HMCN1: variants seen among roughly 807,000 people sequenced by gnomAD.
The protein encoded by HMCN1 is hemicentin-1.
Under a neutral mutation model 625.9 loss-of-function variants are expected in HMCN1, and 321 were observed. That is an observed-to-expected ratio of 0.51 (90% confidence interval 0.47 to 0.56). The LOEUF (loss-of-function observed/expected upper bound fraction) is 0.56. Ranked by LOEUF, HMCN1 falls within the 20% of genes least tolerant of loss-of-function variation. HMCN1 has a pLI of 0.00. For synonymous variants in HMCN1, 2,425 were observed against 2,417.6 expected (o/e 1.00, Z -0.09); for missense variants, 6,588 against 6,887.3 (o/e 0.96, Z 1.54).
intron 44 of HMCN1, among the ~76,000 whole-genome samples, chr1:186,054,387 T>G (rs1426353213): frequency 1.3e-5 from 2 of 151,940 alleles, no homozygotes; most frequent in African/African-American, 4.8e-5. Context: ...TCATTTAATC[T>G]TCACATGAGC....
chr1:185,979,619 T>C (rs539522033), intron 16 of HMCN1, among the ~76,000 whole-genome samples: 18 of 152,180 alleles, frequency 1.2e-4, no homozygotes, highest in Non-Finnish European at 2.6e-4. Context: ...AGAACTAATG[T>C]ATGATTTATT....
At chr1:186,068,508 C>A (rs963664310) in intron 50 of HMCN1, among the ~76,000 whole-genome samples, 1 of 152,180 alleles carries the variant, frequency 6.6e-6, no homozygotes, top group African/African-American at 2.4e-5. Flanking sequence ...GAATATGAAT[C>A]TGTGAAAAAT....
intron 1 of HMCN1, among the ~76,000 whole-genome samples, chr1:185,828,067 A>C (rs917338907): frequency 7.9e-5 from 12 of 152,222 alleles, no homozygotes; most frequent in Admixed American, 6.5e-5. Flanking sequence ...TACATGAAAT[A>C]TCAGGAAATT....
chr1:186,187,560 G>C (rs1414391411), intron 105 of HMCN1, among the ~76,000 whole-genome samples: 1 of 152,092 alleles, frequency 6.6e-6, no homozygotes, highest in East Asian at 1.9e-4. Flanking sequence ...AATATTTCTT[G>C]CTTTATAAAA....
In HMCN1 at chr1:185,933,537, G is replaced by T. The variant is rs1205046727; in HGVS notation, c.1553-12G>T. 3.7e-6 allele frequency: 6 copies of T among 1,613,478 alleles called. No individual in the cohort carries two copies. Among genetic ancestry groups the T allele is most frequent in the Admixed American group, 3.3e-5 (2 of 59,916 alleles). ...TTAGGTCTCTTGATTTGAATTTTTTGATTTCACACAGAGCCCCCTCCGGTC... is the reference window on the plus strand; with the variant it reads ...TTAGGTCTCTTGATTTGAATTTTTTTATTTCACACAGAGCCCCCTCCGGTC... On this transcript the variant is annotated splice_polypyrimidine_tract_variant and intron_variant, in intron 10 of 106. Transcript: ENST00000271588.
At chr1:185,942,429 G>A (rs779558135) in intron 11 of HMCN1, among the ~76,000 whole-genome samples, 1 of 152,116 alleles carries the variant, frequency 6.6e-6, no homozygotes, top group African/African-American at 2.4e-5. Flanking sequence ...CAGGGAAAAC[G>A]ATACTCCTTT....
chr1:185,824,348 G>T (rs1660379043), intron 1 of HMCN1, among the ~76,000 whole-genome samples: 1 of 152,058 alleles, frequency 6.6e-6, no homozygotes, highest in African/African-American at 2.4e-5. Context: ...TTGTGGCTTT[G>T]TTTGTACCAC....
At chr1:186,050,792 T>C (rs1241032706) in intron 42 of HMCN1, among the ~76,000 whole-genome samples, 1 of 152,064 alleles carries the variant, frequency 6.6e-6, no homozygotes, top group Non-Finnish European at 1.5e-5. Context: ...TATGCTTCCA[T>C]CTTCTAGGCG....
chr1:186,116,362 G>A (rs1448522174), intron 75 of HMCN1, among the ~76,000 whole-genome samples: 1 of 151,802 alleles, frequency 6.6e-6, no homozygotes, highest in Non-Finnish European at 1.5e-5. Flanking sequence ...AAAATGTGAA[G>A]TGTTCTAGAT....
intron 10 of HMCN1, among the ~76,000 whole-genome samples, chr1:185,932,290 A>C (rs1234200300): frequency 1.3e-5 from 2 of 152,200 alleles, no homozygotes; most frequent in East Asian, 3.8e-4. Context: ...ATAACAAAAT[A>C]TGGAAAACAC....
chr1:186,047,260 T>C (rs1444926041), intron 41 of HMCN1, among the ~76,000 whole-genome samples: 1 of 151,856 alleles, frequency 6.6e-6, no homozygotes, highest in Non-Finnish European at 1.5e-5. Flanking sequence ...GAACTACACA[T>C]GAAAAAAGAA....
chr1:185,881,480 C>G (rs1221576021), intron 4 of HMCN1, among the ~76,000 whole-genome samples: 2 of 152,182 alleles, frequency 1.3e-5, no homozygotes, highest in Admixed American at 1.3e-4. Flanking sequence ...TCTCTGCCAG[C>G]TGAGTCTGGG....
chr1:185,833,566 A>G (rs1661002354), intron 1 of HMCN1, among the ~76,000 whole-genome samples: 2 of 152,026 alleles, frequency 1.3e-5, no homozygotes, highest in Admixed American at 1.3e-4. Flanking sequence ...AGAGTTTTGA[A>G]CTCAATTTCA....
intron 1 of HMCN1, among the ~76,000 whole-genome samples, chr1:185,814,500 T>G (rs1659723620): frequency 6.6e-6 from 1 of 152,140 alleles, no homozygotes; most frequent in Admixed American, 6.6e-5. Context: ...ATGCTTCTTT[T>G]CTTACTAAAA....
chr1:185,887,622 A>G (rs1273488224), intron 4 of HMCN1, among the ~76,000 whole-genome samples: 2 of 149,010 alleles, frequency 1.3e-5, no homozygotes, highest in African/African-American at 5.1e-5. Flanking sequence ...CCATGTCCCT[A>G]CAAAGGACAT....
intron 1 of HMCN1, among the ~76,000 whole-genome samples, chr1:185,786,518 T>C (rs1304994438): frequency 6.6e-6 from 1 of 152,210 alleles, no homozygotes; most frequent in East Asian, 1.9e-4. Context: ...TGGAGTTCTC[T>C]AGCATCTTGG....
intron 1 of HMCN1, among the ~76,000 whole-genome samples, chr1:185,766,685 C>A (rs999593542): frequency 2.6e-5 from 4 of 151,956 alleles, no homozygotes; most frequent in Admixed American, 6.6e-5. Flanking sequence ...TTGTTCTGAA[C>A]AGGTGGTGCT....
chr1:185,797,664 T>C (rs1365823804), intron 1 of HMCN1, among the ~76,000 whole-genome samples: 1 of 152,120 alleles, frequency 6.6e-6, no homozygotes, highest in Non-Finnish European at 1.5e-5. Flanking sequence ...ATTTATGCAA[T>C]TGCTTTATAA....
At chr1:186,170,485 GAC>G (rs781591905) in intron 100 of HMCN1, among the ~76,000 whole-genome samples, 6 of 152,100 alleles carry the variant, frequency 3.9e-5, no homozygotes, top group Non-Finnish European at 8.8e-5. Context: ...CTACTATAAA[GAC>G]ACATGCACAC....
Sources: allele counts gnomAD v4.1 joint callset (sites outside exome capture counted in the v4.1 genomes callset), GRCh38; gene constraint gnomAD v4.1.1; transcripts MANE v1.5; gene names NCBI Gene and HGNC (gene_info 2026-07-23, HGNC 2026-07-21).